The following NCAM2 variants were observed in gnomAD, a reference collection of about 807,000 sequenced individuals.
The protein encoded by NCAM2 is N-CAM-2.
NCAM2 carries 30 observed loss-of-function variants against 98.1 expected under a neutral mutation model. That is an observed-to-expected ratio of 0.31 (90% CI 0.23 to 0.41). The LOEUF is 0.41. Among genes scored for constraint, NCAM2 ranks in the 10% least tolerant of loss-of-function variants. The probability of loss-of-function intolerance (pLI) is 1.00; values close to 1 mark genes in which losing one functional copy is unlikely to be tolerated. For synonymous variants in NCAM2, 368 were observed against 342.4 expected (o/e 1.07, Z -0.83); for missense variants, 867 against 1,005.8 (o/e 0.86, Z 1.87).
At chr21:21,192,445 A>G (rs112155551) in intron 1 of NCAM2, among the ~76,000 whole-genome samples, 2,944 of 152,262 alleles carry the variant, frequency 0.019, 37 homozygotes, top group Non-Finnish European at 0.029. Context: ...TGACATTAAA[A>G]TATGGAAGTA....
intron 1 of NCAM2, among the ~76,000 whole-genome samples, chr21:21,180,676 A>G (rs905536160): frequency 2.6e-5 from 4 of 151,814 alleles, no homozygotes; most frequent in Admixed American, 2.6e-4. Context: ...TTATCTATTC[A>G]AACATTCACT....
In NCAM2 at chr21:21,538,148, G is replaced by T; in HGVS notation, c.*191G>T. ...TTTTGTTATTGTTGTTGTTGTTGCT[G>T]TTGTTGTTAATTTTGTTAAGAATTT... On this transcript the variant is annotated 3_prime_UTR_variant, in exon 18 of 18. Transcript: ENST00000400546. 1 of 363,004 alleles carries T rather than the reference G, an allele frequency of 2.8e-6. No homozygotes were observed. The highest frequency in any genetic ancestry group is 5.1e-6 in the Non-Finnish European group (1 of 197,188). 22.5% of individuals were successfully genotyped at this position (363,004 alleles called of 1,614,324 possible). A position where few individuals can be genotyped will look rare whatever the true frequency, so the allele number is the denominator to read the frequency against.
chr21:21,444,167 G>C (rs1027168461), intron 12 of NCAM2, among the ~76,000 whole-genome samples: 1 of 152,068 alleles, frequency 6.6e-6, no homozygotes, highest in East Asian at 1.9e-4. Flanking sequence ...CCAGATTTGC[G>C]TCCCAGAGAT....
At chr21:21,177,614 C>G (rs1351873915) in intron 1 of NCAM2, among the ~76,000 whole-genome samples, 1 of 152,056 alleles carries the variant, frequency 6.6e-6, no homozygotes, top group African/African-American at 2.4e-5. Flanking sequence ...CCATGTATGA[C>G]ATTAATTTTT....
intron 1 of NCAM2, among the ~76,000 whole-genome samples, chr21:21,224,135 T>G (rs1391850236): frequency 6.6e-6 from 1 of 152,176 alleles, no homozygotes; most frequent in Non-Finnish European, 1.5e-5. Flanking sequence ...CAGCACAGAA[T>G]GTTAAAGACA....
At chr21:21,511,487 C>T (rs1263334588) in intron 16 of NCAM2, among the ~76,000 whole-genome samples, 2 of 151,906 alleles carry the variant, frequency 1.3e-5, no homozygotes, top group African/African-American at 4.8e-5. Flanking sequence ...AAATTTTCAT[C>T]CATTCATCCA....
chr21:21,225,586 C>G (rs928857), intron 1 of NCAM2, among the ~76,000 whole-genome samples: 1 of 152,068 alleles, frequency 6.6e-6, no homozygotes, highest in Non-Finnish European at 1.5e-5. Flanking sequence ...CAGAATATGT[C>G]TGCATATTTT....
At chr21:21,452,556 CTA>C (rs1210209957) in intron 12 of NCAM2, among the ~76,000 whole-genome samples, 1 of 105,826 alleles carries the variant, frequency 9.4e-6, no homozygotes, top group East Asian at 2.5e-4. Context: ...ATAATATATA[CTA>C]TATATAGTAT....
intron 5 of NCAM2, among the ~76,000 whole-genome samples, chr21:21,315,386 C>G (rs961305852): frequency 7.9e-5 from 12 of 152,244 alleles, no homozygotes; most frequent in Admixed American, 2.0e-4. Flanking sequence ...TTTCCTATTT[C>G]TTAGGTCACC....
intron 12 of NCAM2, among the ~76,000 whole-genome samples, chr21:21,434,303 T>C (rs1341085578): frequency 1.3e-5 from 2 of 152,186 alleles, no homozygotes; most frequent in African/African-American, 2.4e-5. Flanking sequence ...GTCTAGAATA[T>C]GAACTAGGGA....
intron 16 of NCAM2, among the ~76,000 whole-genome samples, chr21:21,523,127 A>G (rs1304053523): frequency 6.6e-6 from 1 of 151,946 alleles, no homozygotes; most frequent in African/African-American, 2.4e-5. Context: ...ATTTTTTCCT[A>G]TTCTGCAAGT....
chr21:21,445,263 G>A (rs112728403), intron 12 of NCAM2, among the ~76,000 whole-genome samples: 1,806 of 152,090 alleles, frequency 0.012, 49 homozygotes, highest in African/African-American at 0.041. Context: ...TTACGTGGTC[G>A]ATTTTAGAAT....
In NCAM2 at chr21:21,208,055, A is replaced by AT. The variant is rs536758797; in HGVS notation, c.56-72521dup. 4.7e-4 allele frequency among the ~76,000 whole-genome samples: 72 copies of AT among 152,324 alleles called. No homozygotes were observed. In the South Asian group the frequency reaches 0.013, roughly 28 times the overall value. On this transcript the variant is annotated intron_variant, in intron 1 of 17. Coordinates refer to ENST00000400546, the MANE Select transcript of NCAM2 (RefSeq NM_004540.5). ...TTATTAAATAGCTGTTTAATACATT[A>AT]TTAAATTTTTGCTTCTGTGAACTTG... is the stretch of plus-strand genomic sequence containing the variant.
chr21:21,216,943 G>A (rs1176462332), intron 1 of NCAM2, among the ~76,000 whole-genome samples: 1 of 152,112 alleles, frequency 6.6e-6, no homozygotes, highest in Non-Finnish European at 1.5e-5. Flanking sequence ...AACCTTGGTT[G>A]AAGTTTTGTC....
At chr21:21,497,628 A>T (rs2146325811) in intron 15 of NCAM2, among the ~76,000 whole-genome samples, 1 of 152,318 alleles carries the variant, frequency 6.6e-6, no homozygotes, top group Middle Eastern at 3.4e-3. Context: ...TTATACGTGT[A>T]ACAACATTTT....
intron 9 of NCAM2, among the ~76,000 whole-genome samples, chr21:21,387,668 C>A (rs557974205): frequency 1.3e-5 from 2 of 152,236 alleles, no homozygotes; most frequent in South Asian, 4.1e-4. Context: ...AGAGACATAT[C>A]TATGAATTAA....
At chr21:21,142,019 T>C (rs968846160) in intron 1 of NCAM2, among the ~76,000 whole-genome samples, 1 of 152,222 alleles carries the variant, frequency 6.6e-6, no homozygotes, top group Admixed American at 6.5e-5. Context: ...CTGAGTGTTT[T>C]AATTCAAATT....
rs78662950 is a variant in NCAM2 at position 21,397,574 on chromosome 21, C to T, written c.1196-12700C>T. On this transcript the variant is annotated intron_variant, in intron 9 of 17. Transcript: ENST00000400546. The stretch of plus-strand genomic sequence containing the variant: ...CTGGGCCACAACTTTGCTCCAAAAT[C>T]GGAGCAGGCACCAGGAATGGAGAGA... Among the ~76,000 whole-genome samples, 902 of 152,326 alleles carry T rather than the reference C, an allele frequency of 5.9e-3. 11 individuals carry two copies. Among genetic ancestry groups the T allele is most frequent in the African/African-American group, 0.021 (867 of 41,576 alleles).
intron 16 of NCAM2, among the ~76,000 whole-genome samples, chr21:21,522,477 A>C (rs531807077): frequency 1.2e-4 from 18 of 151,560 alleles, no homozygotes; most frequent in Admixed American, 2.6e-4. Flanking sequence ...CCCCGCTAGT[A>C]TAGAATTCTG....
Sources: gnomAD v4.1 joint callset for allele counts (sites outside exome capture counted in the v4.1 genomes callset) on GRCh38, gnomAD v4.1.1 for gene constraint, MANE v1.5 for transcripts, NCBI Gene and HGNC (gene_info 2026-07-23, HGNC 2026-07-21) for gene names.